Variants in ZBTB20 observed in about 807,000 individuals in gnomAD.
ZBTB20 encodes the protein zinc finger and BTB domain-containing protein 20.
In ZBTB20, 9 loss-of-function variants were observed where a neutral mutation model predicts 56.9. That is an observed-to-expected ratio of 0.16 (90% CI 0.10 to 0.28). The LOEUF (loss-of-function observed/expected upper bound fraction) is 0.28, where lower values mean the gene tolerates loss of function less well. Among genes scored for constraint, ZBTB20 ranks in the 10% least tolerant of loss-of-function variants. ZBTB20 has a pLI of 1.00. For synonymous variants in ZBTB20, 417 were observed against 420.7 expected (o/e 0.99, Z 0.11); for missense variants, 655 against 1,003.0 (o/e 0.65, Z 4.69).
intron 2 of ZBTB20, among the ~76,000 whole-genome samples, chr3:114,978,299 C>A (rs1424577768): frequency 6.8e-6 from 1 of 147,838 alleles, no homozygotes; most frequent in Non-Finnish European, 1.5e-5. Context: ...ATACTTATTA[C>A]TATTTATTAT....
intron 6 of ZBTB20, among the ~76,000 whole-genome samples, chr3:114,667,710 C>A (rs998171113): frequency 1.3e-5 from 2 of 151,866 alleles, no homozygotes; most frequent in African/African-American, 4.8e-5. Flanking sequence ...CAACTATATT[C>A]CAGATTTAGG....
intron 5 of ZBTB20, among the ~76,000 whole-genome samples, chr3:114,800,606 C>A (rs1309131426): frequency 6.6e-6 from 1 of 151,836 alleles, no homozygotes; most frequent in Admixed American, 6.6e-5. Flanking sequence ...GTCCTCAAGG[C>A]AACAGAATCT....
intron 6 of ZBTB20, among the ~76,000 whole-genome samples, chr3:114,648,702 A>T (rs2059975520): frequency 6.6e-6 from 1 of 152,046 alleles, no homozygotes; most frequent in Non-Finnish European, 1.5e-5. Context: ...GAAAAACAAA[A>T]CATGTTAGCC....
intron 3 of ZBTB20, among the ~76,000 whole-genome samples, chr3:114,925,409 A>T (rs990989461): frequency 1.1e-4 from 16 of 152,176 alleles, no homozygotes; most frequent in African/African-American, 3.6e-4. Context: ...TTGCCTAGTA[A>T]TTCCAACATG....
At chr3:114,497,495 C>T (rs1035663963) in intron 7 of ZBTB20, among the ~76,000 whole-genome samples, 2 of 152,164 alleles carry the variant, frequency 1.3e-5, no homozygotes, top group Non-Finnish European at 2.9e-5. Flanking sequence ...TGTAAATGCT[C>T]TTACATTTTT....
intron 6 of ZBTB20, among the ~76,000 whole-genome samples, chr3:114,603,686 A>C (rs2056928546): frequency 6.6e-6 from 1 of 151,998 alleles, no homozygotes; most frequent in South Asian, 2.1e-4. Context: ...AATAGCAAGA[A>C]ATACATAAGA....
chr3:114,727,955 C>G (rs1434282387), intron 5 of ZBTB20, among the ~76,000 whole-genome samples: 3 of 151,954 alleles, frequency 2.0e-5, no homozygotes, highest in Non-Finnish European at 4.4e-5. Context: ...TATTTGAGAA[C>G]AGACAGCAGC....
intron 2 of ZBTB20, among the ~76,000 whole-genome samples, chr3:115,063,905 C>T (rs1371189843): frequency 6.6e-6 from 1 of 152,064 alleles, no homozygotes; most frequent in East Asian, 1.9e-4. Flanking sequence ...ACCTCATTTC[C>T]CTTTCTTCCA....
chr3:114,668,155 G>A (rs1055446572), intron 6 of ZBTB20, among the ~76,000 whole-genome samples: 1 of 151,936 alleles, frequency 6.6e-6, no homozygotes, highest in African/African-American at 2.4e-5. Context: ...GTACATAGAT[G>A]TCTGAAATCC....
At chr3:114,910,578 T>G (rs2075494681) in intron 3 of ZBTB20, among the ~76,000 whole-genome samples, 1 of 152,030 alleles carries the variant, frequency 6.6e-6, no homozygotes, top group African/African-American at 2.4e-5. Flanking sequence ...TAACAATAGC[T>G]ATTATTTATT....
intron 6 of ZBTB20, among the ~76,000 whole-genome samples, chr3:114,565,096 G>A (rs1266811770): frequency 1.3e-5 from 2 of 152,090 alleles, no homozygotes; most frequent in Non-Finnish European, 2.9e-5. Flanking sequence ...AGCATCCAGA[G>A]GACCATCTTT....
At chr3:114,394,479 G>A (rs1474633926) in intron 7 of ZBTB20, among the ~76,000 whole-genome samples, 2 of 152,182 alleles carry the variant, frequency 1.3e-5, no homozygotes, top group Admixed American at 6.5e-5. Context: ...ACAGACTCCA[G>A]GAGAAGGAAC....
chr3:114,647,778 G>GGA (rs929652397), intron 6 of ZBTB20, among the ~76,000 whole-genome samples: 1 of 151,638 alleles, frequency 6.6e-6, no homozygotes, highest in African/African-American at 2.4e-5. Context: ...GACAATTGTG[G>GGA]GAGAGAAAAA....
At position 114,693,554 on chromosome 3, in the gene ZBTB20, C is replaced by T. The variant is rs569307118; in HGVS notation, c.-321G>A. The T allele has an allele frequency of 6.6e-5, 10 of 152,140 alleles. No homozygotes were observed. Among genetic ancestry groups the T allele is most frequent in the Middle Eastern group, 3.4e-3 (1 of 292 alleles). 9.4% of individuals were successfully genotyped at this position (152,140 alleles called of 1,614,324 possible). A position where few individuals can be genotyped will look rare whatever the true frequency, so the allele number is the denominator to read the frequency against. On this transcript the variant is annotated 5_prime_UTR_variant, in exon 6 of 12. Transcript: ENST00000675478. ...AGACAGCAATGTCATGAGGAATATC[C>T]TGTTAGTAATGATGAAACATTCTGA...
rs2079391970 is a variant in ZBTB20 at position 114,334,776 on chromosome 3, G to A, written c.*4229C>T. The A allele has an allele frequency of 6.6e-6, 1 of 152,158 alleles. No individual in the cohort carries two copies. Among genetic ancestry groups the A allele is most frequent in the Non-Finnish European group, 1.5e-5 (1 of 68,024 alleles). The allele number at this position is 152,158 out of a possible 1,614,324, so 9.4% of individuals were successfully genotyped here. A position where few individuals can be genotyped will look rare whatever the true frequency, so the allele number is the denominator to read the frequency against. On this transcript the variant is annotated 3_prime_UTR_variant, in exon 12 of 12. Transcript: ENST00000675478. The stretch of plus-strand genomic sequence containing the variant: ...TAATCATGGCACAAATAGATTCAAA[G>A]CATTAGGAATTTGGGAAGAGAACGG...
chr3:114,510,545 C>A (rs1339759468), intron 6 of ZBTB20, among the ~76,000 whole-genome samples: 1 of 151,850 alleles, frequency 6.6e-6, no homozygotes, highest in East Asian at 1.9e-4. Context: ...TTTAAATGAC[C>A]CAGCAGCAGC....
At chr3:115,132,651 C>A (rs1560597049) in intron 1 of ZBTB20, among the ~76,000 whole-genome samples, 1 of 152,088 alleles carries the variant, frequency 6.6e-6, no homozygotes, top group Non-Finnish European at 1.5e-5. Context: ...AATCCCAGCA[C>A]TTTGGGTGGA....
At chr3:114,504,395 G>A (rs545194274) in intron 6 of ZBTB20, among the ~76,000 whole-genome samples, 10 of 152,236 alleles carry the variant, frequency 6.6e-5, no homozygotes, top group East Asian at 5.8e-4. Flanking sequence ...GCAGTGTAAC[G>A]GGAGTAGAAA....
At chr3:114,776,319 T>C (rs1229066400) in intron 5 of ZBTB20, among the ~76,000 whole-genome samples, 1 of 152,040 alleles carries the variant, frequency 6.6e-6, no homozygotes, top group Non-Finnish European at 1.5e-5. Flanking sequence ...ATATGGAGCT[T>C]ATCCTGGATT....
Sources: allele counts gnomAD v4.1 joint callset (sites outside exome capture counted in the v4.1 genomes callset), GRCh38; gene constraint gnomAD v4.1.1; transcripts MANE v1.5; gene names NCBI Gene and HGNC (gene_info 2026-07-23, HGNC 2026-07-21).